Variants in CNNM2 observed in about 807,000 individuals in gnomAD.
The protein encoded by CNNM2 is metal transporter CNNM2.
In CNNM2, 12 loss-of-function variants were observed where a neutral mutation model predicts 66.9. The ratio of observed to expected loss-of-function variants is 0.18; its 90% CI spans 0.11 to 0.29. CNNM2 has a LOEUF of 0.29. Ranked by LOEUF, CNNM2 falls within the 10% of genes least tolerant of loss-of-function variation. CNNM2 has a pLI of 1.00. For synonymous variants in CNNM2, 557 were observed against 501.8 expected (o/e 1.11, Z -1.47); for missense variants, 705 against 1,167.7 (o/e 0.60, Z 5.77).
intron 1 of CNNM2, among the ~76,000 whole-genome samples, chr10:103,028,482 G>C (rs2064751013): frequency 6.6e-6 from 1 of 152,198 alleles, no homozygotes; most frequent in Admixed American, 6.5e-5. Flanking sequence ...TGTTTTTCAA[G>C]TGGGCTTCAT....
rs186351518 is a variant in CNNM2, at chr10:102,940,052, C to T, written c.1621+19951C>T. On this transcript the variant is annotated intron_variant, in intron 1 of 7. Coordinates refer to ENST00000369878, the MANE Select transcript of CNNM2 (RefSeq NM_017649.5). ...GGCCAAAGAGGAATTAGACAGATTTCCTGCTCTCAGGTAACTTGAAGTACA... is the reference window on the plus strand; with the variant it reads ...GGCCAAAGAGGAATTAGACAGATTTTCTGCTCTCAGGTAACTTGAAGTACA... Among the ~76,000 whole-genome samples the T allele has an allele frequency of 1.4e-3, 213 of 152,090 alleles. 1 individual carries two copies. The highest frequency in any genetic ancestry group is 4.7e-3 in the African/African-American group (194 of 41,548).
chr10:102,951,645 T>TC (rs1165728405), intron 1 of CNNM2, among the ~76,000 whole-genome samples: 1 of 151,498 alleles, frequency 6.6e-6, no homozygotes, highest in East Asian at 1.9e-4. Context: ...TTTTTCTTTT[T>TC]TTTTTTTTTT....
At chr10:102,932,962 C>A (rs1055537388) in intron 1 of CNNM2, among the ~76,000 whole-genome samples, 1 of 150,274 alleles carries the variant, frequency 6.7e-6, no homozygotes, top group African/African-American at 2.4e-5. Context: ...TGAGAGTTTA[C>A]TTCTGAACCT....
At chr10:103,025,624 C>T (rs763000306) in intron 1 of CNNM2, among the ~76,000 whole-genome samples, 12 of 152,182 alleles carry the variant, frequency 7.9e-5, no homozygotes, top group Non-Finnish European at 1.8e-4. Flanking sequence ...CTTACTGATT[C>T]GTGTTTCATA....
At chr10:102,922,104 A>G (rs148778539) in intron 1 of CNNM2, among the ~76,000 whole-genome samples, 2,130 of 152,344 alleles carry the variant, frequency 0.014, 42 homozygotes, top group African/African-American at 0.048. Context: ...TAGAAAAATA[A>G]TAATGCACAA....
intron 1 of CNNM2, among the ~76,000 whole-genome samples, chr10:102,991,494 TC>T (rs1226290636): frequency 2.0e-5 from 3 of 152,220 alleles, no homozygotes; most frequent in African/African-American, 7.2e-5. Context: ...TTTGAACTGT[TC>T]CATCTGCTTT....
chr10:102,977,632 C>G (rs921320891), intron 1 of CNNM2, among the ~76,000 whole-genome samples: 3 of 152,058 alleles, frequency 2.0e-5, no homozygotes, highest in African/African-American at 7.2e-5. Flanking sequence ...ACCAGCCTGA[C>G]CAACATAATG....
chr10:103,052,084 G>T (rs1038909047), intron 2 of CNNM2, among the ~76,000 whole-genome samples: 22 of 151,900 alleles, frequency 1.4e-4, no homozygotes, highest in South Asian at 4.2e-4. Context: ...AGAACATCCT[G>T]GTCAACATGG....
intron 4 of CNNM2, among the ~76,000 whole-genome samples, chr10:103,062,731 C>A (rs373349307): frequency 3.3e-5 from 5 of 152,192 alleles, no homozygotes; most frequent in Non-Finnish European, 7.3e-5. Flanking sequence ...GATGTCTGCA[C>A]CCTCCAGCCC....
intron 1 of CNNM2, among the ~76,000 whole-genome samples, chr10:102,979,621 TA>T (rs976292434): frequency 3.9e-5 from 6 of 152,218 alleles, no homozygotes; most frequent in Admixed American, 6.5e-5. Context: ...GTTTTTTTGT[TA>T]ATTGTTGTAT....
chr10:102,950,625 G>A (rs770584165), intron 1 of CNNM2, among the ~76,000 whole-genome samples: 2 of 151,774 alleles, frequency 1.3e-5, no homozygotes, highest in African/African-American at 2.4e-5. Flanking sequence ...GTGGTGATGC[G>A]CACCTGCACT....
chr10:103,027,319 A>G (rs1389036450), intron 1 of CNNM2: 1 of 152,248 alleles, frequency 6.6e-6, no homozygotes, highest in African/African-American at 2.4e-5. Context: ...TCTCTATTCT[A>G]GAGCTTAACC....
In CNNM2 at chr10:103,075,940, C is replaced by T. The variant is rs1480741012; in HGVS notation, c.2234-146C>T. The T allele has an allele frequency of 7.0e-6, 5 of 719,008 alleles. No individual in the cohort carries two copies. The Admixed American group carries it at 1.1e-4, about 16-fold the overall frequency. 44.5% of individuals were successfully genotyped at this position (719,008 alleles called of 1,614,324 possible). The stretch of plus-strand genomic sequence containing the variant: ...CCGCGAGTCCGCCATACATAGGATA[C>T]CCTCTGGCATACTGTGCGGCCGAGA... On this transcript the variant is annotated intron_variant, in intron 6 of 7. Transcript: ENST00000369878.
intron 1 of CNNM2, among the ~76,000 whole-genome samples, chr10:102,959,910 G>A (rs2134202341): frequency 6.6e-6 from 1 of 152,038 alleles, no homozygotes; most frequent in South Asian, 2.1e-4. Flanking sequence ...AAATTAGCCG[G>A]GCATGGTGGC....
chr10:103,072,559 T>C (rs1163128490), intron 6 of CNNM2, among the ~76,000 whole-genome samples: 2 of 151,834 alleles, frequency 1.3e-5, no homozygotes, highest in African/African-American at 4.8e-5. Flanking sequence ...CCTGACTTTG[T>C]TTTGGAGTGA....
intron 1 of CNNM2, among the ~76,000 whole-genome samples, chr10:102,995,491 G>A (rs1262571002): frequency 6.6e-6 from 1 of 151,820 alleles, no homozygotes; most frequent in Non-Finnish European, 1.5e-5. Flanking sequence ...GGGATTACAG[G>A]TGTGAGCCAC....
Position 103,076,209 on chromosome 10 carries a change from TC to T in CNNM2, c.2359del (p.Leu787SerfsTer30). 1 of 1,587,286 alleles carries T rather than the reference TC, an allele frequency of 6.3e-7. No individual in the cohort carries two copies. Among genetic ancestry groups the T allele is most frequent in the Non-Finnish European group, 8.6e-7 (1 of 1,166,700 alleles). On this transcript the variant is annotated frameshift_variant, in exon 7 of 8. Transcript: ENST00000369878. LOFTEE classifies it high-confidence loss of function. ...AGCAATAACCAGCTCAATTCTTCGCTCCTCCAAGTCTACATCCCCGATTACT... is the reference window on the plus strand; with the variant it reads ...AGCAATAACCAGCTCAATTCTTCGCTCTCCAAGTCTACATCCCCGATTACT... Reference protein sequence around the residue: ...GSSNNQLNSSLLQVYIPDYSV... With the variant: ...GSSNNQLNSSXLQVYIPDYSV...
chr10:103,054,586 TTTTGTG>T lies in CNNM2; in HGVS notation c.1903+124_1903+129del. Reference sequence around the variant, plus strand: ...GAAATGGGGTGATAAGTAATGCCACTTTTGTGTTTTGTTTTTTTTGTTTTTTTGTTT... The same window carrying T: ...GAAATGGGGTGATAAGTAATGCCACTTTTTGTTTTTTTTGTTTTTTTGTTT... On this transcript the variant is annotated intron_variant, in intron 3 of 7. Coordinates refer to ENST00000369878, the MANE Select transcript of CNNM2 (RefSeq NM_017649.5). This position sits in a 1 kb window ranked among gnomAD's most constrained non-coding sequence, Gnocchi z 5.2. The T allele has an allele frequency of 9.9e-7, 1 of 1,015,052 alleles. No individual in the cohort carries two copies. The highest frequency in any genetic ancestry group is 1.4e-6 in the Non-Finnish European group (1 of 695,778). The allele number at this position is 1,015,052 out of a possible 1,614,324, so 62.9% of individuals were successfully genotyped here. A position where few individuals can be genotyped will look rare whatever the true frequency, so the allele number is the denominator to read the frequency against.
chr10:103,085,115 T>C lies in CNNM2; in HGVS notation c.*7935T>C, dbSNP rs7092200. 63,787 of 151,920 alleles carry C rather than the reference T, an allele frequency of 0.42. 13,591 individuals carry two copies. Among genetic ancestry groups the C allele is most frequent in the East Asian group, 0.49 (2,492 of 5,126 alleles). The allele number at this position is 151,920 out of a possible 1,614,324, so 9.4% of individuals were successfully genotyped here. On this transcript the variant is annotated 3_prime_UTR_variant, in exon 8 of 8. Coordinates refer to ENST00000369878, the MANE Select transcript of CNNM2 (RefSeq NM_017649.5). ...CTAGTGGATTACTGAGGACTGAGGA[T>C]GCACGTTTCTAAGGGAGAATTAGTT... is the stretch of plus-strand genomic sequence containing the variant.
Sources: gnomAD v4.1 joint callset for allele counts (sites outside exome capture counted in the v4.1 genomes callset) on GRCh38, gnomAD v4.1.1 for gene constraint, Gnocchi (gnomAD v3.1) non-coding constraint, MANE v1.5 for transcripts, NCBI Gene and HGNC (gene_info 2026-07-23, HGNC 2026-07-21) for gene names.